The following CACNG2 variants were observed in gnomAD, a reference collection of about 807,000 sequenced individuals.
The protein encoded by CACNG2 is voltage-dependent calcium channel gamma-2 subunit.
A neutral mutation model predicts 25.9 loss-of-function variants in CACNG2; 3 were observed. The ratio of observed to expected loss-of-function variants is 0.12; its 90% CI spans 0.05 to 0.30. CACNG2 has a LOEUF of 0.30. Among genes scored for constraint, CACNG2 ranks in the 10% least tolerant of loss-of-function variants. The pLI is 1.00. For synonymous variants in CACNG2, 167 were observed against 173.3 expected (o/e 0.96, Z 0.29); for missense variants, 341 against 432.5 (o/e 0.79, Z 1.88).
chr22:36,583,414 CAG>C (rs1603500810), intron 2 of CACNG2, among the ~76,000 whole-genome samples: 4 of 142,672 alleles, frequency 2.8e-5, no homozygotes, highest in African/African-American at 1.1e-4. Flanking sequence ...GCCTGGGTGA[CAG>C]AGCAAGATTC....
chr22:36,682,638 C>T (rs972166486), intron 1 of CACNG2, among the ~76,000 whole-genome samples: 13 of 152,068 alleles, frequency 8.5e-5, no homozygotes, highest in Non-Finnish European at 1.5e-5. Flanking sequence ...ACTGCATAAA[C>T]AAGAATAATA....
At chr22:36,603,049 T>C (rs925715895) in intron 1 of CACNG2, among the ~76,000 whole-genome samples, 4 of 152,248 alleles carry the variant, frequency 2.6e-5, no homozygotes, top group Non-Finnish European at 5.9e-5. Context: ...AGCTGAAAGC[T>C]AGGCCTCTTA....
chr22:36,635,924 C>T (rs1033402711), intron 1 of CACNG2, among the ~76,000 whole-genome samples: 6 of 152,182 alleles, frequency 3.9e-5, no homozygotes, highest in African/African-American at 1.4e-4. Context: ...GAAATCCATC[C>T]TCTTCTCTTT....
chr22:36,667,297 C>G (rs1057219744), intron 1 of CACNG2, among the ~76,000 whole-genome samples: 1 of 152,182 alleles, frequency 6.6e-6, no homozygotes, highest in Non-Finnish European at 1.5e-5. Context: ...AGAGAACTTT[C>G]CTCACCGTTG....
chr22:36,586,942 A>G lies in CACNG2; in HGVS notation c.295+523T>C, dbSNP rs199578309. On this transcript the variant is annotated intron_variant, in intron 2 of 3. Coordinates refer to ENST00000300105, the MANE Select transcript of CACNG2 (RefSeq NM_006078.5). ...TTTGACTTACTTGACTTGCGGGGGA[A>G]GAAAAAATCTCTCTCTTTTTTTTTT... Among the ~76,000 whole-genome samples the G allele has an allele frequency of 1.0e-4, 4 of 39,226 alleles. No homozygotes were observed. In the Admixed American group the frequency reaches 1.1e-3, roughly 11 times the overall value. 25.7% of individuals were successfully genotyped at this position (39,226 alleles called of 152,430 possible). A position where few individuals can be genotyped will look rare whatever the true frequency, so the allele number is the denominator to read the frequency against.
At chr22:36,700,940 G>A (rs967752704) in intron 1 of CACNG2, among the ~76,000 whole-genome samples, 1 of 152,098 alleles carries the variant, frequency 6.6e-6, no homozygotes, top group Non-Finnish European at 1.5e-5. Context: ...ATGTTGGGAG[G>A]GGGGCATGGG....
At chr22:36,591,847 G>C (rs554678831) in intron 1 of CACNG2, among the ~76,000 whole-genome samples, 1 of 152,118 alleles carries the variant, frequency 6.6e-6, no homozygotes, top group Non-Finnish European at 1.5e-5. Context: ...GCTGGGGATG[G>C]GCAGACATGG....
chr22:36,565,123 G>A (rs186802864), intron 3 of CACNG2, among the ~76,000 whole-genome samples: 7 of 152,346 alleles, frequency 4.6e-5, no homozygotes, highest in Admixed American at 3.9e-4. Flanking sequence ...GACATGGGCA[G>A]GGCGGGAGAA....
At chr22:36,655,589 G>T (rs1182392855) in intron 1 of CACNG2, among the ~76,000 whole-genome samples, 1 of 152,186 alleles carries the variant, frequency 6.6e-6, no homozygotes, top group Non-Finnish European at 1.5e-5. Flanking sequence ...CACACATTAG[G>T]TATTTAGTAA....
intron 1 of CACNG2, among the ~76,000 whole-genome samples, chr22:36,682,286 C>T (rs918866294): frequency 2.0e-5 from 3 of 152,154 alleles, no homozygotes; most frequent in Non-Finnish European, 2.9e-5. Flanking sequence ...TCTGGCAAAT[C>T]GCTTAATCTC....
chr22:36,603,874 G>A (rs1420098854), intron 1 of CACNG2, among the ~76,000 whole-genome samples: 2 of 152,190 alleles, frequency 1.3e-5, no homozygotes, highest in African/African-American at 4.8e-5. Flanking sequence ...TTTCATGCCT[G>A]CTAACACAAC....
At chr22:36,635,878 T>C (rs1014400034) in intron 1 of CACNG2, among the ~76,000 whole-genome samples, 2 of 152,152 alleles carry the variant, frequency 1.3e-5, no homozygotes, top group Non-Finnish European at 2.9e-5. Flanking sequence ...CTTTCACTCA[T>C]CCTCACATCC....
intron 1 of CACNG2, among the ~76,000 whole-genome samples, chr22:36,634,550 C>T (rs572617975): frequency 5.3e-5 from 8 of 152,184 alleles, no homozygotes; most frequent in Non-Finnish European, 1.2e-4. Context: ...ATACCATTAC[C>T]CTGATACCTT....
intron 1 of CACNG2, among the ~76,000 whole-genome samples, chr22:36,664,939 G>A (rs41307227): frequency 2.3e-3 from 356 of 152,278 alleles, no homozygotes; most frequent in Non-Finnish European, 4.2e-3. Context: ...GGTGCCTGGT[G>A]GATTGGGAGG....
rs541911299 is a variant in CACNG2 at position 36,685,751 on chromosome 22, C to T, written c.211+16615G>A. Among the ~76,000 whole-genome samples, 129 of 152,380 alleles carry T rather than the reference C, an allele frequency of 8.5e-4. 1 individual carries two copies. Among genetic ancestry groups the T allele is most frequent in the African/African-American group, 3.0e-3 (125 of 41,588 alleles). ...CGGGGAGAGCCGCCTACCCTAGGAG[C>T]GGCTGATTCCACGGGAAGCCAAGGC... On this transcript the variant is annotated intron_variant, in intron 1 of 3. Transcript: ENST00000300105.
rs748620747 is a variant in CACNG2 at position 36,587,544 on chromosome 22, A to T, written c.216T>A (p.Asn72Lys). The T allele has an allele frequency of 4.6e-5, 74 of 1,611,490 alleles. 1 individual carries two copies. In the South Asian group the frequency reaches 8.0e-4, roughly 17 times the overall value. Residue 72 changes from asparagine to lysine, a missense_variant, in exon 2 of 4, where the codon AAT (asparagine) becomes AAA (lysine). Transcript: ENST00000300105. Reference protein sequence around the residue: ...GLWRTCCLEGNFKGLCKQIDH... With the variant: ...GLWRTCCLEGKFKGLCKQIDH... ...CAATTTGCTTGCACAGACCTTTGAA[A>T]TTCCCTGCAAAACAAGGGGAGAAGG...
At chr22:36,626,504 G>A (rs1229787529) in intron 1 of CACNG2, among the ~76,000 whole-genome samples, 1 of 151,662 alleles carries the variant, frequency 6.6e-6, no homozygotes, top group Non-Finnish European at 1.5e-5. Context: ...CTAATAATTG[G>A]ACAAAATGTA....
intron 1 of CACNG2, among the ~76,000 whole-genome samples, chr22:36,657,892 G>A (rs1936731174): frequency 2.0e-5 from 3 of 152,020 alleles, no homozygotes; most frequent in Non-Finnish European, 2.9e-5. Context: ...TGGTGCTGGG[G>A]CAAAGAAAAT....
intron 1 of CACNG2, among the ~76,000 whole-genome samples, chr22:36,645,395 G>A (rs981344589): frequency 1.3e-5 from 2 of 152,038 alleles, no homozygotes; most frequent in African/African-American, 4.8e-5. Context: ...AAATTAGCCA[G>A]GCGTTGTGGC....
Sources: allele counts gnomAD v4.1 joint callset (sites outside exome capture counted in the v4.1 genomes callset), GRCh38; gene constraint gnomAD v4.1.1; transcripts MANE v1.5; gene names NCBI Gene and HGNC (gene_info 2026-07-23, HGNC 2026-07-21).